MEGF6: variants seen among roughly 807,000 people sequenced by gnomAD.
MEGF6 encodes the protein multiple EGF like domains 6.
A neutral mutation model predicts 207.1 loss-of-function variants in MEGF6; 184 were observed. That is an observed-to-expected ratio of 0.89 (90% CI 0.79 to 1.00). MEGF6 has a LOEUF of 1.00. Ranked by LOEUF, MEGF6 falls within the 50% of genes least tolerant of loss-of-function variation. The pLI is 0.00. For missense variants in MEGF6, 2,282 were observed against 2,202.9 expected (o/e 1.04, Z -0.72); for synonymous variants, 1,038 against 910.0 (o/e 1.14, Z -2.53).
intron 1 of MEGF6, among the ~76,000 whole-genome samples, chr1:3,605,361 ACACACACT>A (rs1644229589): frequency 9.1e-6 from 1 of 110,260 alleles, no homozygotes; most frequent in Non-Finnish European, 2.4e-5. Context: ...ACGCACGTTC[ACACACACT>A]CAATCACACT....
At position 3,507,781 on chromosome 1, in the gene MEGF6, G is replaced by A. The variant is rs746412006; in HGVS notation, c.1789+14C>T. 4 of 1,612,596 alleles carry A rather than the reference G, an allele frequency of 2.5e-6. No individual in the cohort carries two copies. Among genetic ancestry groups the A allele is most frequent in the African/African-American group, 1.3e-5 (1 of 74,912 alleles). On this transcript the variant is annotated intron_variant, in intron 14 of 36. Transcript: ENST00000356575. Reference sequence around the variant, plus strand: ...AGGGGTAATTCCAGAAGCACCAGAAGAGGCTGCACGCACCATCCTCACAGT... The same window carrying A: ...AGGGGTAATTCCAGAAGCACCAGAAAAGGCTGCACGCACCATCCTCACAGT...
At chr1:3,534,563 TAA>T (rs1256985340) in intron 4 of MEGF6, among the ~76,000 whole-genome samples, 2 of 152,110 alleles carry the variant, frequency 1.3e-5, no homozygotes, top group Non-Finnish European at 2.9e-5. Flanking sequence ...TGAGGATCCA[TAA>T]AAGTCAACAA....
chr1:3,551,205 G>A (rs937733074), intron 4 of MEGF6, among the ~76,000 whole-genome samples: 6 of 152,328 alleles, frequency 3.9e-5, no homozygotes, highest in Admixed American at 2.6e-4. Context: ...GGGTGGCCCC[G>A]CCCCATGCAG....
At chr1:3,514,205 G>A (rs1317119089) in intron 7 of MEGF6, among the ~76,000 whole-genome samples, 8 of 150,784 alleles carry the variant, frequency 5.3e-5, no homozygotes, top group East Asian at 2.0e-4. Context: ...CTGAGATCAC[G>A]CCACTGCACT....
chr1:3,554,214 C>T (rs998746263), intron 4 of MEGF6, among the ~76,000 whole-genome samples: 36 of 152,268 alleles, frequency 2.4e-4, no homozygotes, highest in African/African-American at 8.2e-4. Context: ...GGCACTAAGA[C>T]GACACCTCAG....
Position 3,602,632 on chromosome 1 carries a change from G to A in MEGF6, c.132-32C>T, listed in dbSNP as rs143678650. 6.3e-4 allele frequency: 990 copies of A among 1,578,380 alleles called. 16 individuals carry two copies. The East Asian group carries it at 0.018, about 29-fold the overall frequency. On this transcript the variant is annotated intron_variant, in intron 1 of 36. Coordinates refer to ENST00000356575, the MANE Select transcript of MEGF6 (RefSeq NM_001409.4). ...CAGAGACACGGAGAGTCAGCGCCTCGGCCACCCCCAGCCGGCAACACCCAC... is the reference window on the plus strand; with the variant it reads ...CAGAGACACGGAGAGTCAGCGCCTCAGCCACCCCCAGCCGGCAACACCCAC...
chr1:3,515,540 G>A lies in MEGF6; in HGVS notation c.605-13C>T, dbSNP rs751795243. ...CAGGAGTTAATGGCTGGGGACACAG[G>A]GAGGACCCCAAGTCAGCCCAAGAGG... On this transcript the variant is annotated splice_polypyrimidine_tract_variant and intron_variant, in intron 5 of 36. Transcript: ENST00000356575. 13 of 1,610,204 alleles carry A rather than the reference G, an allele frequency of 8.1e-6. No individual in the cohort carries two copies. Among genetic ancestry groups the A allele is most frequent in the African/African-American group, 1.3e-5 (1 of 74,910 alleles).
chr1:3,620,581 G>T, the MEGF6 span, among the ~76,000 whole-genome samples: 1 of 152,372 alleles, frequency 6.6e-6, no homozygotes, highest in South Asian at 2.1e-4. Context: ...GAGAACCTCT[G>T]CTAGGGCAAT....
intron 4 of MEGF6, among the ~76,000 whole-genome samples, chr1:3,570,135 GC>G (rs2101689248): frequency 6.6e-6 from 1 of 152,326 alleles, no homozygotes; most frequent in South Asian, 2.1e-4. Flanking sequence ...CCCAGCCTGA[GC>G]ATAGCAAGAT....
intron 4 of MEGF6, among the ~76,000 whole-genome samples, chr1:3,557,041 G>C (rs932889661): frequency 6.6e-6 from 1 of 152,196 alleles, no homozygotes; most frequent in African/African-American, 2.4e-5. Context: ...GAGAGGCAAG[G>C]ACATCGCAGC....
chr1:3,542,420 G>A (rs1050437172), intron 4 of MEGF6, among the ~76,000 whole-genome samples: 2 of 152,230 alleles, frequency 1.3e-5, no homozygotes, highest in South Asian at 2.1e-4. Flanking sequence ...AGGAAGCTGG[G>A]CTTGCATGGA....
intron 16 of MEGF6, 28 bp downstream of exon 16, chr1:3,505,394 C>T (rs758940591): frequency 1.8e-5 from 28 of 1,570,618 alleles, no homozygotes; most frequent in Middle Eastern, 3.4e-4. Context: ...TGGCGCCCCC[C>T]GCCCCCAGAC....
At chr1:3,508,934 T>C in intron 12 of MEGF6, 141 bp downstream of exon 12, 1 of 1,134,934 alleles carries the variant, frequency 8.8e-7, no homozygotes, top group Non-Finnish European at 1.2e-6. Flanking sequence ...TGGCTCACCC[T>C]CTCTGGGCCT....
At chr1:3,499,462 G>C in intron 23 of MEGF6, 126 bp downstream of exon 23, 1 of 1,437,410 alleles carries the variant, frequency 7.0e-7, no homozygotes, top group South Asian at 1.3e-5. Context: ...AGTGAGCAAA[G>C]CATCACTCTC....
the MEGF6 span, among the ~76,000 whole-genome samples, chr1:3,621,915 A>G: frequency 6.6e-6 from 1 of 152,148 alleles, no homozygotes. Flanking sequence ...GTTTTGGCCA[A>G]ATTCTCCCTT....
rs1388195942 is a variant in MEGF6, at chr1:3,498,639, C to T, written c.3223+59G>A. 8.6e-6 allele frequency: 13 copies of T among 1,503,402 alleles called. No individual in the cohort carries two copies. In the East Asian group the frequency reaches 3.2e-4, roughly 37 times the overall value. 93.1% of individuals were successfully genotyped at this position (1,503,402 alleles called of 1,614,324 possible). A position where few individuals can be genotyped will look rare whatever the true frequency, so the allele number is the denominator to read the frequency against. On this transcript the variant is annotated intron_variant, in intron 25 of 36. Coordinates refer to ENST00000356575, the MANE Select transcript of MEGF6 (RefSeq NM_001409.4). ...TGACCTGGGAGCCCTCCTAGGCCTG[C>T]AGGCGGGGCTGCACCAAGCATGCTG...
Position 3,595,443 on chromosome 1 carries a change from C to T in MEGF6, c.271G>A (p.Val91Ile), listed in dbSNP as rs754378824. The T allele has an allele frequency of 4.9e-5, 79 of 1,611,878 alleles. No individual in the cohort carries two copies. The highest frequency in any genetic ancestry group is 8.8e-5 in the South Asian group (8 of 91,074). The change falls in exon 3 of 37, where the codon GTC (valine) becomes ATC (isoleucine). Residue 91 changes from valine (V) to isoleucine (I), a missense_variant. Transcript: ENST00000356575. ...ACCTGCCTGTAGCCCATGTAGTAGA[C>T]GGTTCTAGAAAGAAAGAGAGAAGGG... ...AWCVGHERRT[V>I]YYMGYRQVYT...
At chr1:3,546,442 A>T (rs1642706327) in intron 4 of MEGF6, among the ~76,000 whole-genome samples, 1 of 152,206 alleles carries the variant, frequency 6.6e-6, no homozygotes, top group Non-Finnish European at 1.5e-5. Flanking sequence ...AGGCAATGTC[A>T]GGAGTGGGGA....
At chr1:3,543,020 C>A (rs900072095) in intron 4 of MEGF6, among the ~76,000 whole-genome samples, 2 of 152,204 alleles carry the variant, frequency 1.3e-5, no homozygotes, top group African/African-American at 4.8e-5. Flanking sequence ...CGTGCCCTGC[C>A]CAGGAAATGG....
Sources: allele counts gnomAD v4.1 joint callset (sites outside exome capture counted in the v4.1 genomes callset), GRCh38; gene constraint gnomAD v4.1.1; transcripts MANE v1.5; gene names NCBI Gene and HGNC (gene_info 2026-07-23, HGNC 2026-07-21).